The following TMEM131L variants were observed in gnomAD, a reference collection of about 807,000 sequenced individuals.
TMEM131L encodes the protein transmembrane protein 131-like.
Under a neutral mutation model 192.2 loss-of-function variants are expected in TMEM131L, and 54 were observed. That is an observed-to-expected ratio of 0.28 (90% CI 0.23 to 0.35). TMEM131L has a LOEUF of 0.35. Among genes scored for constraint, TMEM131L ranks in the 10% least tolerant of loss-of-function variants. The pLI, the probability that TMEM131L is intolerant of heterozygous loss-of-function variation, is 1.00. For synonymous variants in TMEM131L, 701 were observed against 704.9 expected, an observed-to-expected ratio of 0.99 and a Z score of 0.09; for missense variants, 1,888 against 1,972.9, an observed-to-expected ratio of 0.96 and a Z score of 0.82.
At chr4:153,579,986 A>C (rs186737410) in intron 7 of TMEM131L, among the ~76,000 whole-genome samples, 2 of 152,280 alleles carry the variant, frequency 1.3e-5, no homozygotes, top group East Asian at 3.9e-4. Context: ...CCTTGCCAAG[A>C]TTTGATGTTA....
chr4:153,601,758 A>C (rs1731854100), intron 21 of TMEM131L, among the ~76,000 whole-genome samples: 1 of 152,208 alleles, frequency 6.6e-6, no homozygotes, highest in Non-Finnish European at 1.5e-5. Context: ...TGCCTGGTTC[A>C]ATGTGAGTGA....
chr4:153,581,458 G>C lies in TMEM131L; in HGVS notation c.790G>C (p.Val264Leu). The C allele has an allele frequency of 6.3e-7, 1 of 1,592,726 alleles. No individual in the cohort carries two copies. The change falls in exon 9 of 35, where the codon GTA becomes CTA. Residue 264 changes from valine (V) to leucine (L), a missense_variant. Physicochemically the swap from Val to Leu is conservative, Grantham distance 32. Coordinates refer to ENST00000409959, the MANE Select transcript of TMEM131L (RefSeq NM_001131007.2). The stretch of plus-strand genomic sequence containing the variant: ...TTTGCGTCTACAAATGAGCATAATG[G>C]TAACAATGGAAAACTTTTCAAAAGA... ...DVLRLQMSIM[V>L]TMENFSKEFE...
intron 29 of TMEM131L, among the ~76,000 whole-genome samples, chr4:153,624,860 T>C (rs1246090069): frequency 6.6e-6 from 1 of 152,220 alleles, no homozygotes; most frequent in African/African-American, 2.4e-5. Flanking sequence ...CCACCAGCAG[T>C]GAGACCTTAA....
rs759930386 is a variant in TMEM131L, at chr4:153,622,930, G to A, written c.3892G>A (p.Val1298Met). Residue 1298 changes from valine (V) to methionine (M), a missense_variant, in exon 29 of 35, where the codon GTG (valine) becomes ATG (methionine). Transcript: ENST00000409959. ...CTACCAGAAGCCTGAGAAGAAATGTGTGGACAAGTTCTGCTCCGATTCCAG... is the reference window on the plus strand; with the variant it reads ...CTACCAGAAGCCTGAGAAGAAATGTATGGACAAGTTCTGCTCCGATTCCAG... ...GYYQKPEKKC[V>M]DKFCSDSSSD... 3.3e-5 allele frequency: 53 copies of A among 1,614,224 alleles called. 1 individual carries two copies. In the South Asian group the frequency reaches 5.4e-4, roughly 16 times the overall value.
chr4:153,631,810 C>T, intron 31 of TMEM131L, among the ~76,000 whole-genome samples: 1 of 152,184 alleles, frequency 6.6e-6, no homozygotes, highest in East Asian at 1.9e-4. Context: ...TAGCCTCATC[C>T]CCTACTCTTC....
chr4:153,636,375 T>A lies in TMEM131L; in HGVS notation c.4632T>A (p.Asp1544Glu). The change falls in exon 35 of 35, where the codon GAT becomes GAA. Residue 1544 changes from aspartate to glutamate, a missense_variant. By Grantham distance (45) the Asp-to-Glu change is conservative. Coordinates refer to ENST00000409959, the MANE Select transcript of TMEM131L (RefSeq NM_001131007.2). ...LFGSIWAPQS[D>E]VYENCCPINP... ...GTTCCATCTGGGCCCCGCAAAGCGA[T>A]GTGTATGAAAATTGCTGCCCCATCA... 1.9e-6 allele frequency: 3 copies of A among 1,614,178 alleles called. No individual in the cohort carries two copies. Among genetic ancestry groups the A allele is most frequent in the South Asian group, 2.2e-5 (2 of 91,086 alleles).
intron 3 of TMEM131L, among the ~76,000 whole-genome samples, chr4:153,496,117 C>G (rs983119655): frequency 1.3e-5 from 2 of 152,166 alleles, no homozygotes; most frequent in African/African-American, 4.8e-5. Context: ...AAAATAATCC[C>G]ATTCAGAGTT....
intron 3 of TMEM131L, among the ~76,000 whole-genome samples, chr4:153,485,675 T>C (rs768675081): frequency 3.3e-5 from 5 of 152,234 alleles, no homozygotes; most frequent in Admixed American, 1.3e-4. Flanking sequence ...CAAACAGTGT[T>C]CGATTGGTAG....
intron 5 of TMEM131L, 117 bp downstream of exon 5, chr4:153,556,027 A>C: frequency 1.0e-6 from 1 of 973,046 alleles, no homozygotes; most frequent in Non-Finnish European, 1.5e-6. Flanking sequence ...CTGGTACCCA[A>C]ACCTTTTCCT....
chr4:153,618,476 CAAAAAA>C (rs10669791), intron 26 of TMEM131L, among the ~76,000 whole-genome samples: 1 of 99,464 alleles, frequency 1.0e-5, no homozygotes. Context: ...ACCCTGTCTC[CAAAAAA>C]AAAAAAAAAA....
intron 19 of TMEM131L, among the ~76,000 whole-genome samples, chr4:153,595,969 T>C (rs1291414005): frequency 6.6e-6 from 1 of 152,178 alleles, no homozygotes; most frequent in Non-Finnish European, 1.5e-5. Flanking sequence ...CAAAGCATCT[T>C]TGTGTAGAAA....
intron 23 of TMEM131L, among the ~76,000 whole-genome samples, chr4:153,603,039 A>G (rs541841100): frequency 6.6e-6 from 1 of 152,302 alleles, no homozygotes; most frequent in Admixed American, 6.5e-5. Context: ...TGATGATTTG[A>G]GATTAGGAGG....
intron 30 of TMEM131L, 66 bp from the exon 31 acceptor site, chr4:153,627,539 A>T: frequency 1.6e-6 from 2 of 1,224,892 alleles, no homozygotes; most frequent in Non-Finnish European, 2.4e-6. Context: ...AGACGTGGTT[A>T]TACAATATCA....
chr4:153,580,839 ATAC>A lies in TMEM131L; in HGVS notation c.677_679del (p.Thr226del). The A allele has an allele frequency of 1.9e-6, 3 of 1,611,556 alleles. No individual in the cohort carries two copies. The highest frequency in any genetic ancestry group is 2.5e-6 in the Non-Finnish European group (3 of 1,177,708). ...TTCTTCTTTTAGGCAGAAACCACTA[ATAC>A]TAGCCTCTTGCAGGTGCAACTGGAA... On this transcript the variant is annotated inframe_deletion, in exon 8 of 35. Coordinates refer to ENST00000409959, the MANE Select transcript of TMEM131L (RefSeq NM_001131007.2).
At chr4:153,559,554 G>A (rs939065183) in intron 7 of TMEM131L, among the ~76,000 whole-genome samples, 2 of 152,064 alleles carry the variant, frequency 1.3e-5, no homozygotes, top group Non-Finnish European at 2.9e-5. Context: ...AAGGGAGAGA[G>A]GAAACTGACT....
intron 19 of TMEM131L, 29 bp from the exon 20 acceptor site, chr4:153,596,229 A>G (rs1439998542): frequency 1.9e-6 from 3 of 1,611,888 alleles, no homozygotes; most frequent in Non-Finnish European, 1.7e-6. Context: ...TTCTAGGAGT[A>G]TGACATGGTT....
At position 153,581,554 on chromosome 4, in the gene TMEM131L, A is replaced by T. The variant is rs139705683; in HGVS notation, c.886A>T (p.Thr296Ser). The T allele has an allele frequency of 5.8e-6, 9 of 1,543,756 alleles. No homozygotes were observed. Among genetic ancestry groups the T allele is most frequent in the Non-Finnish European group, 7.9e-6 (9 of 1,141,820 alleles). ...TTACGTAGCTACAGATGAATCTGAG[A>T]CCTCAGGTAAGGTGGAATGTTTAAA... is the stretch of plus-strand genomic sequence containing the variant. ...IVYVATDESE[T>S]SDDSAVNMYI... Residue 296 changes from threonine (T) to serine (S), a missense_variant, in exon 9 of 35, where the codon ACC (threonine) becomes TCC (serine). Physicochemically the swap from Thr to Ser is moderately conservative, Grantham distance 58. Coordinates refer to ENST00000409959, the MANE Select transcript of TMEM131L (RefSeq NM_001131007.2).
chr4:153,601,568 C>T (rs1432908053), intron 21 of TMEM131L, among the ~76,000 whole-genome samples: 1 of 152,154 alleles, frequency 6.6e-6, no homozygotes, highest in Non-Finnish European at 1.5e-5. Context: ...AAATATTAGT[C>T]CTTATGTGGG....
intron 2 of TMEM131L, among the ~76,000 whole-genome samples, chr4:153,472,919 T>G (rs941072787): frequency 2.0e-5 from 3 of 152,234 alleles, no homozygotes; most frequent in African/African-American, 7.2e-5. Context: ...AGAGGCACCC[T>G]GCTTTGGAGA....
Sources: allele counts gnomAD v4.1 joint callset (sites outside exome capture counted in the v4.1 genomes callset), GRCh38; gene constraint gnomAD v4.1.1; transcripts MANE v1.5; gene names NCBI Gene and HGNC (gene_info 2026-07-23, HGNC 2026-07-21).